Variants in CADM2 observed in about 807,000 individuals in gnomAD.
CADM2 encodes immunoglobulin superfamily member 4D.
CADM2 carries 12 observed loss-of-function variants against 49.8 expected under a neutral mutation model. The ratio of observed to expected loss-of-function variants is 0.24; its 90% CI spans 0.15 to 0.39. CADM2 has a LOEUF of 0.39. CADM2 is among the 10% of genes least tolerant of loss of function. The pLI, the probability that CADM2 is intolerant of heterozygous loss-of-function variation, is 1.00. For synonymous variants in CADM2, 214 were observed against 175.4 expected, an observed-to-expected ratio of 1.22 and a Z score of -1.74; for missense variants, 378 against 492.3, an observed-to-expected ratio of 0.77 and a Z score of 2.20.
intron 3 of CADM2, among the ~76,000 whole-genome samples, chr3:85,824,437 G>A (rs1349954222): frequency 1.8e-5 from 1 of 55,738 alleles, no homozygotes; most frequent in African/African-American, 7.4e-5. Flanking sequence ...AACTCAAGGT[G>A]AGTGCACAGT....
intron 1 of CADM2, among the ~76,000 whole-genome samples, chr3:85,388,500 C>T (rs1056476534): frequency 6.6e-6 from 1 of 152,072 alleles, no homozygotes; most frequent in Non-Finnish European, 1.5e-5. Context: ...GAAACAGCTA[C>T]ATATGTGTGT....
chr3:85,962,312 A>G (rs545629828), intron 8 of CADM2, among the ~76,000 whole-genome samples: 1 of 152,138 alleles, frequency 6.6e-6, no homozygotes, highest in African/African-American at 2.4e-5. Flanking sequence ...TTGTATTATC[A>G]TAAACATATA....
At chr3:85,227,543 T>C (rs1287056944) in intron 1 of CADM2, among the ~76,000 whole-genome samples, 1 of 151,746 alleles carries the variant, frequency 6.6e-6, no homozygotes, top group Non-Finnish European at 1.5e-5. Flanking sequence ...GCATGTGAGA[T>C]GAGTCTCCTG....
intron 3 of CADM2, among the ~76,000 whole-genome samples, chr3:85,829,534 A>T (rs1331539336): frequency 6.6e-6 from 1 of 151,950 alleles, no homozygotes; most frequent in Non-Finnish European, 1.5e-5. Context: ...ACATGATTTG[A>T]TATAAGTATG....
At chr3:85,801,954 T>C in intron 2 of CADM2, 93 bp from the exon 3 acceptor site, 1 of 1,029,474 alleles carries the variant, frequency 9.7e-7, no homozygotes, top group Non-Finnish European at 1.4e-6. Context: ...TTAAATTTTA[T>C]TTTGCATGAG....
intron 1 of CADM2, among the ~76,000 whole-genome samples, chr3:85,211,083 C>T (rs2041766477): frequency 6.6e-6 from 1 of 152,024 alleles, no homozygotes; most frequent in Non-Finnish European, 1.5e-5. Context: ...ATAATGATCA[C>T]TCATAGTAGT....
At position 85,845,479 on chromosome 3, in the gene CADM2, A is replaced by C. The variant is rs75947155; in HGVS notation, c.239-37812A>C. On this transcript the variant is annotated intron_variant, in intron 3 of 9. Coordinates refer to ENST00000383699, the MANE Select transcript of CADM2 (RefSeq NM_001167675.2). ...TTCTTTCATGAAGGAAGTTTAAGCT[A>C]TTCCTGTAAAGTTATGCTTTAAGAT... Among the ~76,000 whole-genome samples, 205 of 152,286 alleles carry C rather than the reference A, an allele frequency of 1.3e-3. 2 individuals carry two copies. In the East Asian group the frequency reaches 0.032, roughly 24 times the overall value.
chr3:85,852,400 ATCT>A (rs1325578172), intron 3 of CADM2, among the ~76,000 whole-genome samples: 1 of 152,090 alleles, frequency 6.6e-6, no homozygotes, highest in Non-Finnish European at 1.5e-5. Flanking sequence ...TCTTGTCTTA[ATCT>A]TCTTTCAGAT....
chr3:84,962,167 G>A (rs1411144948), intron 1 of CADM2, among the ~76,000 whole-genome samples: 2 of 122,894 alleles, frequency 1.6e-5, no homozygotes, highest in African/African-American at 6.0e-5. Context: ...AATAAATAAA[G>A]GTTCTATACA....
intron 3 of CADM2, among the ~76,000 whole-genome samples, chr3:85,845,610 A>T (rs1281786729): frequency 2.0e-5 from 3 of 152,146 alleles, no homozygotes; most frequent in African/African-American, 7.2e-5. Context: ...AAGACATGGT[A>T]ATCCCAGGCC....
intron 1 of CADM2, among the ~76,000 whole-genome samples, chr3:84,989,123 T>C (rs988054693): frequency 1.3e-5 from 2 of 152,176 alleles, no homozygotes; most frequent in African/African-American, 4.8e-5. Flanking sequence ...AGTTTGCTTA[T>C]ATGAAAAAGA....
chr3:85,383,782 T>C (rs1198054580), intron 1 of CADM2, among the ~76,000 whole-genome samples: 1 of 151,790 alleles, frequency 6.6e-6, no homozygotes, highest in Non-Finnish European at 1.5e-5. Flanking sequence ...CAATACTCAC[T>C]GTTCCTCCTT....
intron 2 of CADM2, among the ~76,000 whole-genome samples, chr3:85,788,559 T>C (rs1423864283): frequency 1.3e-5 from 2 of 152,074 alleles, no homozygotes; most frequent in Non-Finnish European, 2.9e-5. Context: ...AATTTTATGC[T>C]TCCAGAGTAT....
In CADM2 at chr3:85,940,187, A is replaced by T. The variant is rs558120552; in HGVS notation, c.791+4330A>T. Among the ~76,000 whole-genome samples, 3 of 147,894 alleles carry T rather than the reference A, an allele frequency of 2.0e-5. No individual in the cohort carries two copies. In the South Asian group the frequency reaches 6.4e-4, roughly 31 times the overall value. On this transcript the variant is annotated intron_variant, in intron 7 of 9. Coordinates refer to ENST00000383699, the MANE Select transcript of CADM2 (RefSeq NM_001167675.2). ...TACAAAAAAAAAAAAAAAAAAAAAA[A>T]AAATAGCCGGGCGTGGTGGTGGGCG...
intron 1 of CADM2, among the ~76,000 whole-genome samples, chr3:85,465,658 G>T (rs955597175): frequency 6.6e-6 from 1 of 152,124 alleles, no homozygotes; most frequent in Non-Finnish European, 1.5e-5. Context: ...TATCCATGAA[G>T]ATTATAGGCG....
Position 85,041,215 on chromosome 3 carries a change from C to T in CADM2, c.61+81547C>T, listed in dbSNP as rs544077044. Among the ~76,000 whole-genome samples, 87 of 152,076 alleles carry T rather than the reference C, an allele frequency of 5.7e-4. 3 individuals carry two copies. The South Asian group carries it at 0.017, about 29-fold the overall frequency. ...GCTATATCTGATTTCATGTGAACGC[C>T]AAGTTGCTTAGCAACTTAAATCTGC... is the stretch of plus-strand genomic sequence containing the variant. On this transcript the variant is annotated intron_variant, in intron 1 of 9. Coordinates refer to ENST00000383699, the MANE Select transcript of CADM2 (RefSeq NM_001167675.2).
chr3:85,455,081 G>A (rs1281767018), intron 1 of CADM2, among the ~76,000 whole-genome samples: 1 of 152,074 alleles, frequency 6.6e-6, no homozygotes, highest in East Asian at 1.9e-4. Flanking sequence ...CTGTAACCTT[G>A]ATAATATCGT....
intron 1 of CADM2, among the ~76,000 whole-genome samples, chr3:85,090,608 G>A (rs535049956): frequency 6.6e-6 from 1 of 152,226 alleles, no homozygotes; most frequent in South Asian, 2.1e-4. Context: ...GTTAACATTT[G>A]ATCTGAGAGT....
At chr3:85,898,954 T>TG (rs1200227544) in intron 5 of CADM2, among the ~76,000 whole-genome samples, 1 of 55,466 alleles carries the variant, frequency 1.8e-5, no homozygotes, top group Non-Finnish European at 3.5e-5. Context: ...TATATATATA[T>TG]ATTTTTTTTT....
Sources: gnomAD v4.1 joint callset for allele counts (sites outside exome capture counted in the v4.1 genomes callset) on GRCh38, gnomAD v4.1.1 for gene constraint, MANE v1.5 for transcripts, NCBI Gene and HGNC (gene_info 2026-07-23, HGNC 2026-07-21) for gene names.